The following ANK3 variants were observed in gnomAD, a reference collection of about 807,000 sequenced individuals.
ANK3 encodes ankyrin 3, also known as ankyrin-3.
In ANK3, 57 loss-of-function variants were observed where a neutral mutation model predicts 370.9. The ratio of observed to expected loss-of-function variants is 0.15; its 90% CI spans 0.12 to 0.19. The LOEUF is 0.19. Among genes scored for constraint, ANK3 ranks in the 10% least tolerant of loss-of-function variants. ANK3 has a pLI of 1.00. For missense variants in ANK3, 4,439 were observed against 5,302.1 expected (o/e 0.84, Z 5.06); for synonymous variants, 1,929 against 1,946.3 (o/e 0.99, Z 0.23).
At chr10:60,360,198 G>A (rs774914517) in intron 1 of ANK3, among the ~76,000 whole-genome samples, 22 of 152,240 alleles carry the variant, frequency 1.4e-4, no homozygotes, top group Non-Finnish European at 2.2e-4. Flanking sequence ...AGACAACTGC[G>A]CTTTTAGGCT....
intron 1 of ANK3, among the ~76,000 whole-genome samples, chr10:60,692,414 G>A (rs924995009): frequency 3.3e-5 from 5 of 152,160 alleles, no homozygotes; most frequent in African/African-American, 1.2e-4. Context: ...GGTTCAGGAT[G>A]ACAAATCTGA....
At chr10:60,231,479 T>C (rs1271991371) in intron 8 of ANK3, among the ~76,000 whole-genome samples, 8 of 152,128 alleles carry the variant, frequency 5.3e-5, no homozygotes, top group East Asian at 3.9e-4. Context: ...TAGTAAGTAC[T>C]TGGTGGGAGG....
intron 21 of ANK3, among the ~76,000 whole-genome samples, chr10:60,167,718 G>A (rs1208540581): frequency 1.3e-5 from 2 of 151,318 alleles, no homozygotes; most frequent in African/African-American, 4.9e-5. Context: ...ATGGTACAAG[G>A]GAAGATACAC....
intron 2 of ANK3, among the ~76,000 whole-genome samples, chr10:60,511,748 C>A (rs1275704880): frequency 6.6e-6 from 1 of 151,896 alleles, no homozygotes; most frequent in East Asian, 1.9e-4. Flanking sequence ...TCCTGCTTCC[C>A]CCACTTTTCT....
At chr10:60,549,431 CACA>C (rs2077042165) in intron 2 of ANK3, among the ~76,000 whole-genome samples, 1 of 152,144 alleles carries the variant, frequency 6.6e-6, no homozygotes. Flanking sequence ...AATACTATAA[CACA>C]ACATTTTTCT....
intron 2 of ANK3, among the ~76,000 whole-genome samples, chr10:60,439,031 T>C (rs2064227070): frequency 6.6e-6 from 1 of 152,210 alleles, no homozygotes; most frequent in African/African-American, 2.4e-5. Context: ...AATAATATTT[T>C]TTTCTCATAA....
Position 60,583,510 on chromosome 10 carries a change from TG to T in ANK3, c.96+31675del, listed in dbSNP as rs1175742952. On this transcript the variant is annotated intron_variant, in intron 2 of 43. Transcript: ENST00000373827. The stretch of plus-strand genomic sequence containing the variant: ...CCATATAGCTTACAGAGAGGTTTTT[TG>T]TTTTTTGTTTTTTGTTTTTTTTTGA... Among the ~76,000 whole-genome samples the T allele has an allele frequency of 1.3e-3, 166 of 128,704 alleles. 19 individuals are homozygous for T. Among genetic ancestry groups the T allele is most frequent in the African/African-American group, 2.5e-3 (91 of 35,832 alleles). The allele number at this position is 128,704 out of a possible 152,430, so 84.4% of individuals were successfully genotyped here.
Position 60,076,365 on chromosome 10 carries a change from A to G in ANK3, c.4516T>C (p.Trp1506Arg), listed in dbSNP as rs1307913306. ...PFFSTRPYQS[W>R]TTAPITVPGP... ...GGCACTGTAATCGGAGCTGTTGTCC[A>G]GGACTGGTATGGTCTTGTAGAAAAG... The change falls in exon 37 of 44, where the codon TGG (tryptophan) becomes CGG (arginine). Residue 1506 changes from tryptophan (W) to arginine (R), a missense_variant. By Grantham distance (101) the Trp-to-Arg change is moderately radical. Transcript: ENST00000280772. The G allele has an allele frequency of 6.2e-7, 1 of 1,614,056 alleles. No individual in the cohort carries two copies. The highest frequency in any genetic ancestry group is 8.5e-7 in the Non-Finnish European group (1 of 1,179,966).
chr10:60,296,516 A>G (rs1477849009), intron 1 of ANK3, among the ~76,000 whole-genome samples: 1 of 152,218 alleles, frequency 6.6e-6, no homozygotes, highest in East Asian at 1.9e-4. Flanking sequence ...ATATTTAAAT[A>G]TTTTAAAATA....
At position 60,668,430 on chromosome 10, in the gene ANK3, C is replaced by T. The variant is rs376776386; in HGVS notation, c.58-53206G>A. On this transcript the variant is annotated intron_variant, in intron 1 of 43. Transcript: ENST00000373827. Reference sequence around the variant, plus strand: ...AGCAATCCACAGAGGCCATCCGACTCATGGTTATAAATAAGTACCAGCTTT... The same window carrying T: ...AGCAATCCACAGAGGCCATCCGACTTATGGTTATAAATAAGTACCAGCTTT... Among the ~76,000 whole-genome samples the T allele has an allele frequency of 6.0e-5, 9 of 148,868 alleles. 1 individual carries two copies. Among genetic ancestry groups the T allele is most frequent in the East Asian group, 3.9e-4 (2 of 5,194 alleles).
intron 8 of ANK3, among the ~76,000 whole-genome samples, chr10:60,222,921 A>G (rs1487904771): frequency 6.6e-6 from 1 of 152,018 alleles, no homozygotes; most frequent in Non-Finnish European, 1.5e-5. Context: ...CTCCTGTCTT[A>G]TTTTCTATAC....
intron 1 of ANK3, among the ~76,000 whole-genome samples, chr10:60,616,676 T>C (rs566140856): frequency 1.3e-5 from 2 of 152,264 alleles, no homozygotes; most frequent in African/African-American, 4.8e-5. Context: ...TGACTTTACA[T>C]CTGCTGATTT....
At chr10:60,126,423 C>T (rs921826536) in intron 25 of ANK3, among the ~76,000 whole-genome samples, 3 of 152,112 alleles carry the variant, frequency 2.0e-5, no homozygotes, top group Non-Finnish European at 2.9e-5. Flanking sequence ...TGGTGGCTCA[C>T]GCCTGTAATC....
chr10:60,300,861 T>C (rs1489654513), intron 1 of ANK3, among the ~76,000 whole-genome samples: 1 of 152,134 alleles, frequency 6.6e-6, no homozygotes, highest in Admixed American at 6.6e-5. Context: ...ACTTTTAATT[T>C]CCTTCTCTGT....
At position 60,116,187 on chromosome 10, in the gene ANK3, T is replaced by C. The variant is rs541673883; in HGVS notation, c.2842-1856A>G. Among the ~76,000 whole-genome samples, 150 of 152,080 alleles carry C rather than the reference T, an allele frequency of 9.9e-4. 1 individual carries two copies. The highest frequency in any genetic ancestry group is 1.9e-3 in the Non-Finnish European group (128 of 67,986). ...AAGGCTAGAGGCACCATATTGAAAA[T>C]GGGGATTGTACACTGAATATTCAGA... On this transcript the variant is annotated intron_variant, in intron 25 of 43. Transcript: ENST00000280772.
rs58386273 is a variant in ANK3, at chr10:60,180,594, CAAAAAAAAA to C, written c.2184+726_2184+734del. ...CTGGTAACAGAGTGAGACTCCGTCT[CAAAAAAAAA>C]AAAAAAAAAACCAAAAAAAAAACAT... On this transcript the variant is annotated intron_variant, in intron 18 of 43. Coordinates refer to ENST00000280772, the MANE Select transcript of ANK3 (RefSeq NM_020987.5). 2.2e-4 allele frequency among the ~76,000 whole-genome samples: 14 copies of C among 63,426 alleles called. No homozygotes were observed. The East Asian group carries it at 7.0e-3, about 32-fold the overall frequency. 41.6% of individuals were successfully genotyped at this position (63,426 alleles called of 152,430 possible). A position where few individuals can be genotyped will look rare whatever the true frequency, so the allele number is the denominator to read the frequency against.
At chr10:60,592,463 G>A (rs1358238322) in intron 2 of ANK3, among the ~76,000 whole-genome samples, 1 of 152,162 alleles carries the variant, frequency 6.6e-6, no homozygotes, top group Non-Finnish European at 1.5e-5. Flanking sequence ...GAGTAACTGA[G>A]TTAATACAAA....
chr10:60,206,610 A>C (rs17805636), intron 10 of ANK3, among the ~76,000 whole-genome samples: 2 of 152,192 alleles, frequency 1.3e-5, no homozygotes, highest in South Asian at 4.1e-4. Context: ...GTTTTAGGAC[A>C]ACTACAAGAC....
At chr10:60,357,884 T>C (rs1049075301) in intron 1 of ANK3, among the ~76,000 whole-genome samples, 2 of 152,174 alleles carry the variant, frequency 1.3e-5, no homozygotes, top group Non-Finnish European at 2.9e-5. Flanking sequence ...CCTTCTGCAA[T>C]GGCAGAAGCA....
Sources: gnomAD v4.1 joint callset for allele counts (sites outside exome capture counted in the v4.1 genomes callset) on GRCh38, gnomAD v4.1.1 for gene constraint, MANE v1.5 for transcripts, NCBI Gene and HGNC (gene_info 2026-07-23, HGNC 2026-07-21) for gene names.